Variants in CCDC18 observed in about 807,000 individuals in gnomAD.
CCDC18 encodes the protein coiled-coil domain-containing protein 18.
Under a neutral mutation model 196.0 loss-of-function variants are expected in CCDC18, and 157 were observed. The observed-to-expected ratio is 0.80, with a 90% CI of 0.70 to 0.91. The LOEUF is 0.91. CCDC18 is among the 40% of genes least tolerant of loss of function. The pLI is 0.00. For synonymous variants in CCDC18, 482 were observed against 529.2 expected, an observed-to-expected ratio of 0.91 and a Z score of 1.22; for missense variants, 1,465 against 1,611.6, an observed-to-expected ratio of 0.91 and a Z score of 1.56.
At chr1:93,242,915 C>G (rs951365456) in intron 21 of CCDC18, among the ~76,000 whole-genome samples, 3 of 152,242 alleles carry the variant, frequency 2.0e-5, no homozygotes, top group Admixed American at 6.5e-5. Context: ...TTGGCAGCTC[C>G]ACCCCTGTGA....
At chr1:93,193,955 T>C (rs1345960895) in intron 6 of CCDC18, among the ~76,000 whole-genome samples, 1 of 152,102 alleles carries the variant, frequency 6.6e-6, no homozygotes, top group East Asian at 1.9e-4. Flanking sequence ...GGATTGGGCT[T>C]AATTTCTACA....
At chr1:93,230,392 T>C (rs1457263081) in intron 17 of CCDC18, among the ~76,000 whole-genome samples, 2 of 151,156 alleles carry the variant, frequency 1.3e-5, no homozygotes, top group Non-Finnish European at 2.9e-5. Context: ...CTTGGGAGGC[T>C]GAGGCAGGAG....
At chr1:93,216,297 C>G (rs1656463159) in intron 12 of CCDC18, among the ~76,000 whole-genome samples, 1 of 152,196 alleles carries the variant, frequency 6.6e-6, no homozygotes, top group Non-Finnish European at 1.5e-5. Context: ...GTACTTATTT[C>G]AGTCTTTAAC....
At chr1:93,236,654 CTGGCACAG>C (rs1660107603) in intron 19 of CCDC18, among the ~76,000 whole-genome samples, 1 of 152,180 alleles carries the variant, frequency 6.6e-6, no homozygotes, top group Non-Finnish European at 1.5e-5. Context: ...TACACAACAA[CTGGCACAG>C]TTCCTTATAC....
chr1:93,277,512 G>A (rs1182556172), intron 28 of CCDC18, among the ~76,000 whole-genome samples: 1 of 133,910 alleles, frequency 7.5e-6, no homozygotes, highest in Non-Finnish European at 1.5e-5. Context: ...CTCTTAAGGA[G>A]CATGCTGCCC....
At chr1:93,266,840 T>G (rs2101421711) in intron 27 of CCDC18, among the ~76,000 whole-genome samples, 1 of 152,290 alleles carries the variant, frequency 6.6e-6, no homozygotes, top group Non-Finnish European at 1.5e-5. Flanking sequence ...ACCAGACAGA[T>G]TCATAGCTGA....
chr1:93,204,398 G>T (rs144069202), intron 7 of CCDC18, among the ~76,000 whole-genome samples: 3 of 152,084 alleles, frequency 2.0e-5, no homozygotes, highest in African/African-American at 7.2e-5. Context: ...AAGGAGGATA[G>T]GAGGGATTTT....
chr1:93,199,839 G>GC (rs1283112792), intron 6 of CCDC18: 2 of 152,810 alleles, frequency 1.3e-5, no homozygotes, highest in African/African-American at 4.8e-5. Flanking sequence ...GATGTCAATT[G>GC]CCACCTTCAC....
chr1:93,242,567 A>T (rs532024), intron 21 of CCDC18, among the ~76,000 whole-genome samples: 1 of 152,146 alleles, frequency 6.6e-6, no homozygotes, highest in Non-Finnish European at 1.5e-5. Context: ...AAAACAAATT[A>T]TGCCTTCCCA....
At chr1:93,269,104 G>T (rs559628766) in intron 27 of CCDC18, among the ~76,000 whole-genome samples, 7 of 152,122 alleles carry the variant, frequency 4.6e-5, no homozygotes, top group South Asian at 2.1e-4. Flanking sequence ...CCATAAAAAA[G>T]GATGAGTTCA....
intron 16 of CCDC18, 101 bp downstream of exon 16, chr1:93,222,037 A>G (rs1657519868): frequency 1.4e-6 from 1 of 726,824 alleles, no homozygotes; most frequent in Non-Finnish European, 2.2e-6. Context: ...TGGCATGATG[A>G]TAACTCACTG....
Position 93,270,797 on chromosome 1 carries a change from G to A in CCDC18, c.4336G>A (p.Gly1446Ser). 6.5e-7 allele frequency: 1 copy of A among 1,535,320 alleles called. No homozygotes were observed. The highest frequency in any genetic ancestry group is 8.8e-7 in the Non-Finnish European group (1 of 1,140,958). The change falls in exon 28 of 29, where the codon GGT becomes AGT. Residue 1446 changes from glycine (G) to serine (S), a missense_variant. Physicochemically the swap from Gly to Ser is moderately conservative, Grantham distance 56 (BLOSUM62 0). Transcript: ENST00000690025. ...ATTAAAAAAGTCTTCTATGCAAACA[G>A]GTGCTGGTTTAAATCAGGTATGTAT... ...RLLKKSSMQT[G>S]AGLNQGENV
chr1:93,220,059 T>C (rs1221203012), intron 14 of CCDC18, among the ~76,000 whole-genome samples: 1 of 151,996 alleles, frequency 6.6e-6, no homozygotes, highest in East Asian at 1.9e-4. Flanking sequence ...AATTTACAAA[T>C]TTAAAAAAAT....
upstream of CCDC18, chr1:93,180,285 G>C: frequency 6.4e-7 from 1 of 1,557,236 alleles, no homozygotes; most frequent in Non-Finnish European, 8.6e-7. Context: ...GTCAGGTACT[G>C]TTGTCTCCGC....
intron 26 of CCDC18, among the ~76,000 whole-genome samples, chr1:93,259,711 A>T (rs1024281722): frequency 4.6e-5 from 7 of 152,230 alleles, no homozygotes; most frequent in African/African-American, 1.7e-4. Flanking sequence ...TCCTAAGGCT[A>T]AGAATTTGCA....
At chr1:93,206,846 C>T (rs1654790006) in intron 8 of CCDC18, among the ~76,000 whole-genome samples, 1 of 152,096 alleles carries the variant, frequency 6.6e-6, no homozygotes, top group African/African-American at 2.4e-5. Context: ...CTGTCCTTCC[C>T]TACCATTTAC....
rs774643097 is a variant in CCDC18 at position 93,214,751 on chromosome 1, G to A, written c.1504G>A (p.Val502Ile). Residue 502 changes from valine (V) to isoleucine (I), a missense_variant, in exon 12 of 29, where the codon GTA becomes ATA. Coordinates refer to ENST00000690025, the MANE Select transcript of CCDC18 (RefSeq NM_001378204.1). ...CCTTTTATGTTTATTAGCAGAAAGC[G>A]TAAAAGATCAAAATCAACATACTAT... is the stretch of plus-strand genomic sequence containing the variant. ...KLGGHQVAES[V>I]KDQNQHTMNK... The A allele has an allele frequency of 2.2e-5, 36 of 1,609,182 alleles. No individual in the cohort carries two copies. Among genetic ancestry groups the A allele is most frequent in the East Asian group, 4.5e-5 (2 of 44,748 alleles).
intron 14 of CCDC18, among the ~76,000 whole-genome samples, chr1:93,220,110 A>C (rs1657156679): frequency 6.6e-6 from 1 of 152,200 alleles, no homozygotes; most frequent in Non-Finnish European, 1.5e-5. Context: ...TCCTTGCCAA[A>C]AACTAAAACA....
At position 93,236,242 on chromosome 1, in the gene CCDC18, T is replaced by A; in HGVS notation, c.2461-6T>A. ...TTAAAATGTTTACTGAAAACTGCTT[T>A]ACAAGGTGTCAAAACTGGAACAAGA... On this transcript the variant is annotated splice_polypyrimidine_tract_variant and splice_region_variant and intron_variant, in intron 18 of 28. Transcript: ENST00000690025. 6.4e-7 allele frequency: 1 copy of A among 1,566,026 alleles called. No homozygotes were observed. The highest frequency in any genetic ancestry group is 1.2e-5 in the South Asian group (1 of 82,808).
Sources: allele counts gnomAD v4.1 joint callset (sites outside exome capture counted in the v4.1 genomes callset), GRCh38; gene constraint gnomAD v4.1.1; transcripts MANE v1.5; gene names NCBI Gene and HGNC (gene_info 2026-07-23, HGNC 2026-07-21).